The following DMD variants were observed in gnomAD, a reference collection of about 807,000 sequenced individuals.
The protein encoded by DMD is dystrophin.
DMD carries 63 observed loss-of-function variants against 330.1 expected under a neutral mutation model. The observed-to-expected ratio is 0.19, with a 90% CI of 0.16 to 0.24. The LOEUF is 0.24. DMD is among the 10% of genes least tolerant of loss of function. The probability of loss-of-function intolerance (pLI) is 1.00; values close to 1 mark genes in which losing one functional copy is unlikely to be tolerated. For synonymous variants in DMD, 1,223 were observed against 959.8 expected, an observed-to-expected ratio of 1.27 and a Z score of -5.07; for missense variants, 3,344 against 2,684.1, an observed-to-expected ratio of 1.25 and a Z score of -5.43.
intron 55 of DMD, among the ~76,000 whole-genome samples, chrX:31,539,934 G>C (rs2073693506): frequency 9.0e-6 from 1 of 111,424 alleles, no homozygotes; most frequent in Non-Finnish European, 1.9e-5. Flanking sequence ...TGAGTGTTTT[G>C]AAAGAGGAAG....
chrX:31,356,655 G>A (rs758778215), intron 60 of DMD, among the ~76,000 whole-genome samples: 7 of 112,009 alleles, frequency 6.2e-5, no homozygotes, highest in Admixed American at 5.7e-4. Flanking sequence ...TCACCTCACC[G>A]ATTTCTAAAA....
At chrX:33,173,151 C>T (rs1391802609) in intron 1 of DMD, among the ~76,000 whole-genome samples, 1 of 111,431 alleles carries the variant, frequency 9.0e-6, no homozygotes, top group African/African-American at 3.3e-5. Context: ...AATTCAATCA[C>T]TAAGTTTATT....
intron 1 of DMD, among the ~76,000 whole-genome samples, chrX:33,068,794 TA>T (rs1444433680): frequency 8.0e-5 from 9 of 112,511 alleles, no homozygotes; most frequent in Non-Finnish European, 1.7e-4. Context: ...AAATATGGTT[TA>T]CTTAGGTATG....
chrX:33,166,150 T>C (rs756009552), intron 1 of DMD, among the ~76,000 whole-genome samples: 15 of 111,310 alleles, frequency 1.3e-4, no homozygotes, highest in African/African-American at 3.9e-4. Context: ...TAGTATATTC[T>C]AGGTTTTAAA....
chrX:31,873,780 G>GGAC (rs2093927580), intron 48 of DMD, among the ~76,000 whole-genome samples: 1 of 111,744 alleles, frequency 8.9e-6, no homozygotes, highest in Non-Finnish European at 1.9e-5. Flanking sequence ...GCATTTACAA[G>GGAC]GACACTAGAA....
At chrX:33,191,041 T>TCCTGCCCCTCATAACTACC (rs2050611674) in intron 1 of DMD, among the ~76,000 whole-genome samples, 1 of 71,630 alleles carries the variant, frequency 1.4e-5, no homozygotes. Flanking sequence ...TATACTGCCC[T>TCCTGCCCCTCATAACTACC]AGTAAGAAAT....
chrX:31,365,092 C>T (rs1400582441), intron 60 of DMD, among the ~76,000 whole-genome samples: 20 of 66,629 alleles, frequency 3.0e-4, no homozygotes, highest in Non-Finnish European at 5.0e-4. Flanking sequence ...GAGACCCCAT[C>T]TCAAAAAAAA....
intron 7 of DMD, among the ~76,000 whole-genome samples, chrX:32,732,542 C>G (rs751509802): frequency 3.6e-5 from 4 of 111,384 alleles, no homozygotes; most frequent in Non-Finnish European, 5.6e-5. Context: ...AAGGGAAGCC[C>G]ATCACACTAA....
At chrX:32,899,189 T>C (rs2085998522) in intron 2 of DMD, among the ~76,000 whole-genome samples, 1 of 112,471 alleles carries the variant, frequency 8.9e-6, no homozygotes, top group Admixed American at 9.4e-5. Flanking sequence ...CATTTGCCAG[T>C]ATTCTTTCCA....
intron 7 of DMD, among the ~76,000 whole-genome samples, chrX:32,716,199 G>A (rs2065704744): frequency 9.0e-6 from 1 of 110,926 alleles, no homozygotes; most frequent in African/African-American, 3.3e-5. Flanking sequence ...TTGTTTCCTT[G>A]CCCAAATCTC....
At chrX:32,856,040 G>T (rs1477178593) in intron 2 of DMD, among the ~76,000 whole-genome samples, 3 of 112,177 alleles carry the variant, frequency 2.7e-5, no homozygotes, top group Non-Finnish European at 5.6e-5. Context: ...TGACACAAAT[G>T]TCAAAGAGGA....
intron 44 of DMD, among the ~76,000 whole-genome samples, chrX:32,109,329 G>A (rs2096578871): frequency 9.0e-6 from 1 of 110,634 alleles, no homozygotes; most frequent in African/African-American, 3.3e-5. Flanking sequence ...ATATAGACAA[G>A]GGGCTCTGAT....
chrX:32,992,437 C>A (rs1006278724), intron 2 of DMD, among the ~76,000 whole-genome samples: 13 of 111,058 alleles, frequency 1.2e-4, no homozygotes, highest in African/African-American at 3.6e-4. Flanking sequence ...AATCAACTTC[C>A]CCCAGTCATT....
intron 1 of DMD, among the ~76,000 whole-genome samples, chrX:33,256,572 G>T (rs1394946570): frequency 1.8e-5 from 2 of 109,255 alleles, no homozygotes; most frequent in Admixed American, 9.9e-5. Flanking sequence ...CATTAATCTT[G>T]ATTTAAAATA....
At chrX:32,049,809 T>C (rs972992001) in intron 44 of DMD, among the ~76,000 whole-genome samples, 1 of 111,895 alleles carries the variant, frequency 8.9e-6, no homozygotes, top group Non-Finnish European at 1.9e-5. Context: ...GTTCTGCACT[T>C]GAAGGGCACT....
chrX:33,093,022 C>T (rs868531682), intron 1 of DMD, among the ~76,000 whole-genome samples: 4 of 110,636 alleles, frequency 3.6e-5, no homozygotes. Flanking sequence ...TATAGGTGCC[C>T]GCCACCACGT....
At chrX:32,001,000 T>C (rs1323810782) in intron 44 of DMD, among the ~76,000 whole-genome samples, 1 of 111,045 alleles carries the variant, frequency 9.0e-6, no homozygotes, top group Admixed American at 9.6e-5. Context: ...AAAAATACAG[T>C]GAACCAATGA....
intron 43 of DMD, 140 bp from the exon 44 acceptor site, chrX:32,217,203 G>A: frequency 1.7e-6 from 1 of 584,860 alleles, no homozygotes; most frequent in South Asian, 2.9e-5. Context: ...TTAGTTTCAA[G>A]TAACAAATAA....
intron 63 of DMD, among the ~76,000 whole-genome samples, chrX:31,250,488 C>T (rs939150595): frequency 3.6e-5 from 4 of 112,068 alleles, no homozygotes; most frequent in African/African-American, 6.5e-5. Context: ...TATCCTCCCC[C>T]GACCTGAGTC....
Sources: gnomAD v4.1 joint callset for allele counts (sites outside exome capture counted in the v4.1 genomes callset) on GRCh38, gnomAD v4.1.1 for gene constraint, MANE v1.5 for transcripts, NCBI Gene and HGNC (gene_info 2026-07-23, HGNC 2026-07-21) for gene names.